Variants in SLC1A7 observed in about 807,000 individuals in gnomAD.
SLC1A7 encodes excitatory amino acid transporter 5.
In SLC1A7, 40 loss-of-function variants were observed where a neutral mutation model predicts 47.7. The ratio of observed to expected loss-of-function variants is 0.84; its 90% CI spans 0.65 to 1.09. The LOEUF (loss-of-function observed/expected upper bound fraction) is 1.09. SLC1A7 is among the 50% of genes least tolerant of loss of function. SLC1A7 has a pLI of 0.00. For missense variants in SLC1A7, 746 were observed against 769.5 expected, an observed-to-expected ratio of 0.97 and a Z score of 0.36; for synonymous variants, 323 against 325.6, an observed-to-expected ratio of 0.99 and a Z score of 0.09.
At chr1:53,130,498 C>A (rs1644931921) in intron 2 of SLC1A7, among the ~76,000 whole-genome samples, 1 of 150,686 alleles carries the variant, frequency 6.6e-6, no homozygotes, top group Non-Finnish European at 1.5e-5. Context: ...CCCCCATCCC[C>A]CCACTCCCCC....
chr1:53,125,674 G>C (rs987209042), intron 2 of SLC1A7, among the ~76,000 whole-genome samples: 1 of 152,186 alleles, frequency 6.6e-6, no homozygotes. Context: ...GAGCACTTCG[G>C]GGGGACCTAG....
intron 2 of SLC1A7, among the ~76,000 whole-genome samples, chr1:53,128,874 AAGTT>A (rs1423388256): frequency 1.4e-5 from 2 of 142,038 alleles, no homozygotes; most frequent in African/African-American, 5.2e-5. Flanking sequence ...ATGCTTTAAT[AAGTT>A]AGAAAAACAT....
chr1:53,135,258 G>A (rs1441440321), intron 1 of SLC1A7, among the ~76,000 whole-genome samples: 2 of 152,128 alleles, frequency 1.3e-5, no homozygotes, highest in African/African-American at 4.8e-5. Context: ...ATCGTGCCAC[G>A]CATCACAGTG....
chr1:53,111,269 C>T (rs1424388075), intron 3 of SLC1A7, among the ~76,000 whole-genome samples: 1 of 151,992 alleles, frequency 6.6e-6, no homozygotes, highest in Non-Finnish European at 1.5e-5. Flanking sequence ...GGCAATGACA[C>T]CCAGACAGGA....
chr1:53,104,786 A>C (rs1644621834), intron 4 of SLC1A7, among the ~76,000 whole-genome samples: 2 of 152,248 alleles, frequency 1.3e-5, no homozygotes, highest in African/African-American at 4.8e-5. Flanking sequence ...AAAGGGGTTC[A>C]GGAAACCCTT....
At chr1:53,103,718 A>C in intron 4 of SLC1A7, 150 bp from the exon 5 acceptor site, 2 of 553,054 alleles carry the variant, frequency 3.6e-6, no homozygotes, top group Non-Finnish European at 6.3e-6. Context: ...CAGAGCAGGG[A>C]TTGCTATCAA....
chr1:53,112,981 C>T (rs1644715926), intron 3 of SLC1A7, among the ~76,000 whole-genome samples: 1 of 151,798 alleles, frequency 6.6e-6, no homozygotes, highest in Non-Finnish European at 1.5e-5. Flanking sequence ...CTAGCCCACT[C>T]CCTCACCTCT....
At chr1:53,138,090 T>C (rs1645019127) in intron 1 of SLC1A7, among the ~76,000 whole-genome samples, 1 of 152,228 alleles carries the variant, frequency 6.6e-6, no homozygotes, top group East Asian at 1.9e-4. Context: ...TGTGAGATAC[T>C]TCGTTGGAAA....
intron 7 of SLC1A7, among the ~76,000 whole-genome samples, chr1:53,091,970 T>A (rs1362778315): frequency 1.3e-5 from 2 of 152,226 alleles, no homozygotes; most frequent in Non-Finnish European, 2.9e-5. Flanking sequence ...CAAGTGCTGG[T>A]TCACCTGGCC....
At chr1:53,124,940 G>A (rs1267582027) in intron 2 of SLC1A7, among the ~76,000 whole-genome samples, 1 of 152,224 alleles carries the variant, frequency 6.6e-6, no homozygotes, top group Non-Finnish European at 1.5e-5. Context: ...ACCAAAGCAA[G>A]CAGGCTACAG....
intron 2 of SLC1A7, among the ~76,000 whole-genome samples, chr1:53,128,982 C>T (rs1026400429): frequency 7.1e-6 from 1 of 140,522 alleles, no homozygotes; most frequent in Non-Finnish European, 1.6e-5. Context: ...AGTTCGAGAC[C>T]AGCCTGGCCA....
In SLC1A7 at chr1:53,137,239, A is replaced by T. The variant is rs184850683; in HGVS notation, c.136-2810T>A. ...GAGGCGGGGATTGCAGTGAGCTAAGATCGCACCACTGCACTCCAGCCTGGG... is the reference window on the plus strand; with the variant it reads ...GAGGCGGGGATTGCAGTGAGCTAAGTTCGCACCACTGCACTCCAGCCTGGG... On this transcript the variant is annotated intron_variant, in intron 1 of 10. Coordinates refer to ENST00000371494, the MANE Select transcript of SLC1A7 (RefSeq NM_006671.6). Among the ~76,000 whole-genome samples, 152 of 147,606 alleles carry T rather than the reference A, an allele frequency of 1.0e-3. 1 individual carries two copies. The highest frequency in any genetic ancestry group is 3.5e-3 in the African/African-American group (139 of 40,020).
chr1:53,090,669 A>T lies in SLC1A7; in HGVS notation c.1169T>A (p.Ile390Asn). The change falls in exon 8 of 11, where the codon ATC (isoleucine) becomes AAC (asparagine). Residue 390 changes from isoleucine (I) to asparagine (N), a missense_variant. By Grantham distance (149) the Ile-to-Asn change is moderately radical. Coordinates refer to ENST00000371494, the MANE Select transcript of SLC1A7 (RefSeq NM_006671.6). ...GTAGTTGTTGACCTGGGCGATGAAGATGGCGGCCACAGCCTCGTAGAGCGC... is the reference window on the plus strand; with the variant it reads ...GTAGTTGTTGACCTGGGCGATGAAGTTGGCGGCCACAGCCTCGTAGAGCGC... ...GTALYEAVAA[I>N]FIAQVNNYEL... is the part of the protein sequence containing the mutation. 1 of 1,612,468 alleles carries T rather than the reference A, an allele frequency of 6.2e-7. No homozygotes were observed. The highest frequency in any genetic ancestry group is 8.5e-7 in the Non-Finnish European group (1 of 1,178,792).
At chr1:53,110,606 G>A (rs1557678980) in intron 3 of SLC1A7, among the ~76,000 whole-genome samples, 1 of 152,172 alleles carries the variant, frequency 6.6e-6, no homozygotes, top group Admixed American at 6.5e-5. Flanking sequence ...GGTGAAGGAG[G>A]CAGCACCGAT....
At chr1:53,107,222 T>C (rs1268447493) in intron 3 of SLC1A7, among the ~76,000 whole-genome samples, 2 of 147,296 alleles carry the variant, frequency 1.4e-5, no homozygotes. Context: ...TAGGTTGAGA[T>C]CTTATCATGT....
At chr1:53,114,546 G>C (rs1644734634) in intron 3 of SLC1A7, 1 of 589,128 alleles carries the variant, frequency 1.7e-6, no homozygotes, top group South Asian at 2.1e-5. Context: ...GGCAGAGAGG[G>C]GCAGACCCCG....
chr1:53,131,928 G>A (rs754307273), intron 2 of SLC1A7, among the ~76,000 whole-genome samples: 1 of 152,218 alleles, frequency 6.6e-6, no homozygotes, highest in Non-Finnish European at 1.5e-5. Context: ...TTGGTGGGGA[G>A]GGCCTTCCTA....
At chr1:53,139,546 T>C (rs1309143611) in intron 1 of SLC1A7, among the ~76,000 whole-genome samples, 1 of 152,196 alleles carries the variant, frequency 6.6e-6, no homozygotes, top group Non-Finnish European at 1.5e-5. Flanking sequence ...CCTAGGGGTC[T>C]AACTGCTCTG....
chr1:53,135,151 C>T (rs927425911), intron 1 of SLC1A7, among the ~76,000 whole-genome samples: 3 of 152,220 alleles, frequency 2.0e-5, no homozygotes, highest in African/African-American at 7.2e-5. Context: ...CTGCACCACG[C>T]ATCTGCCTAG....
Sources: allele counts gnomAD v4.1 joint callset (sites outside exome capture counted in the v4.1 genomes callset), GRCh38; gene constraint gnomAD v4.1.1; transcripts MANE v1.5; gene names NCBI Gene and HGNC (gene_info 2026-07-23, HGNC 2026-07-21).